The following ZMAT5 variants were observed in gnomAD, a reference collection of about 807,000 sequenced individuals.
ZMAT5 encodes the protein zinc finger matrin-type 5, also known as zinc finger matrin-type protein 5.
ZMAT5 carries 23 observed loss-of-function variants against 28.0 expected under a neutral mutation model. That is an observed-to-expected ratio of 0.82 (90% CI 0.59 to 1.16). ZMAT5 has a LOEUF of 1.16. ZMAT5 is among the 50% of genes most tolerant of loss of function. The probability of loss-of-function intolerance (pLI) is 0.00; values close to 1 mark genes in which losing one functional copy is unlikely to be tolerated. For missense variants in ZMAT5, 173 were observed against 212.7 expected, an observed-to-expected ratio of 0.81 and a Z score of 1.16; for synonymous variants, 76 against 84.1, an observed-to-expected ratio of 0.90 and a Z score of 0.52.
At chr22:29,735,907 G>T (rs559631396) in intron 5 of ZMAT5, among the ~76,000 whole-genome samples, 18 of 152,264 alleles carry the variant, frequency 1.2e-4, no homozygotes, top group African/African-American at 4.3e-4. Context: ...AAGGACTCTG[G>T]GGCACCCCAT....
intron 2 of ZMAT5, among the ~76,000 whole-genome samples, chr22:29,745,707 G>A (rs2068003138): frequency 6.6e-6 from 1 of 152,250 alleles, no homozygotes; most frequent in African/African-American, 2.4e-5. Flanking sequence ...AGTGACACCT[G>A]GGGACTGGTG....
intron 1 of ZMAT5, among the ~76,000 whole-genome samples, chr22:29,763,964 G>A (rs1441562235): frequency 6.6e-6 from 1 of 151,036 alleles, no homozygotes. Context: ...AATAATAATA[G>A]TAATAATAAT....
intron 1 of ZMAT5, among the ~76,000 whole-genome samples, chr22:29,761,269 CAAAAAAAAAAAA>C (rs131283): frequency 1.7e-5 from 1 of 59,528 alleles, no homozygotes; most frequent in African/African-American, 7.4e-5. Context: ...AACTCCGTCT[CAAAAAAAAAAAA>C]AAAAAAAAAA....
At chr22:29,749,741 AC>A (rs1357294825) in intron 1 of ZMAT5, among the ~76,000 whole-genome samples, 1 of 152,100 alleles carries the variant, frequency 6.6e-6, no homozygotes, top group East Asian at 1.9e-4. Context: ...GGGGTAACTG[AC>A]ATGGGGGTGG....
intron 1 of ZMAT5, among the ~76,000 whole-genome samples, chr22:29,753,724 AGCT>A: frequency 6.6e-6 from 1 of 152,172 alleles, no homozygotes; most frequent in African/African-American, 2.4e-5. Context: ...AAAAAGAACC[AGCT>A]GTGCAGAGCC....
At chr22:29,738,294 G>T (rs1431238386) in intron 5 of ZMAT5, 36 bp downstream of exon 5, 2 of 1,586,038 alleles carry the variant, frequency 1.3e-6, no homozygotes, top group Middle Eastern at 1.7e-4. Flanking sequence ...TTTGCCCCCA[G>T]GGGGCACAGC....
chr22:29,748,516 C>T lies in ZMAT5; in HGVS notation c.29G>A (p.Cys10Tyr). ...GAGGTTGTCCTGGAAGGAGCGGTCG[C>T]AGTAGTCACAGAAGTATCGCTTCCC... Reference protein sequence around the residue: MGKRYFCDYCDRSFQDNLHN... With the variant: MGKRYFCDYYDRSFQDNLHN... Residue 10 changes from cysteine (C) to tyrosine (Y), a missense_variant, in exon 2 of 6, where the codon TGC becomes TAC. Cys to Tyr is a radical substitution (Grantham distance 194). Transcript: ENST00000344318. 6.2e-7 allele frequency: 1 copy of T among 1,614,246 alleles called. No homozygotes were observed.
Position 29,738,320 on chromosome 22 carries a change from G to A in ZMAT5, c.383+10C>T. 6.2e-7 allele frequency: 1 copy of A among 1,607,588 alleles called. No homozygotes were observed. Among genetic ancestry groups the A allele is most frequent in the Non-Finnish European group, 8.5e-7 (1 of 1,179,348 alleles). ...GGGGCACAGCGGGAGGGAACCCTGGGGACCTGTACCTGCTACTTGGGGCTG... is the reference window on the plus strand; with the variant it reads ...GGGGCACAGCGGGAGGGAACCCTGGAGACCTGTACCTGCTACTTGGGGCTG... On this transcript the variant is annotated intron_variant, in intron 5 of 5. Transcript: ENST00000344318.
chr22:29,766,687 G>A (rs17516411), intron 1 of ZMAT5, among the ~76,000 whole-genome samples, 185 bp downstream of exon 1: 2 of 152,204 alleles, frequency 1.3e-5, no homozygotes, highest in East Asian at 1.9e-4. Flanking sequence ...CCTTAATCCA[G>A]GGTGAAGGGT....
At chr22:29,751,562 T>C (rs1303776717) in intron 1 of ZMAT5, among the ~76,000 whole-genome samples, 2 of 152,224 alleles carry the variant, frequency 1.3e-5, no homozygotes, top group Admixed American at 6.5e-5. Context: ...GGGCCTGTTA[T>C]GCCTTTTTAG....
chr22:29,751,534 A>G (rs975515268), intron 1 of ZMAT5, among the ~76,000 whole-genome samples: 1 of 152,208 alleles, frequency 6.6e-6, no homozygotes, highest in South Asian at 2.1e-4. Context: ...TTTAATCCCC[A>G]GGACAACCTG....
chr22:29,757,130 C>A (rs2068109520), intron 1 of ZMAT5, among the ~76,000 whole-genome samples: 1 of 149,472 alleles, frequency 6.7e-6, no homozygotes, highest in South Asian at 2.1e-4. Context: ...GTGGAAGGAT[C>A]ACTTGAGCCC....
At chr22:29,733,350 T>TG (rs2067871561) in intron 5 of ZMAT5, among the ~76,000 whole-genome samples, 1 of 151,222 alleles carries the variant, frequency 6.6e-6, no homozygotes, top group African/African-American at 2.4e-5. Context: ...GAGGGGGAGG[T>TG]GGAGAGCCGG....
At chr22:29,734,815 G>C (rs1282151346) in intron 5 of ZMAT5, among the ~76,000 whole-genome samples, 2 of 135,142 alleles carry the variant, frequency 1.5e-5, no homozygotes, top group African/African-American at 5.6e-5. Flanking sequence ...GGAGGCATCA[G>C]GGAGGGTCCC....
chr22:29,745,249 G>A (rs1445308211), intron 2 of ZMAT5, among the ~76,000 whole-genome samples: 1 of 152,202 alleles, frequency 6.6e-6, no homozygotes, highest in East Asian at 1.9e-4. Context: ...GTTCTGAGGT[G>A]GTGGGGGGGC....
intron 1 of ZMAT5, among the ~76,000 whole-genome samples, chr22:29,765,664 G>A (rs111833760): frequency 0.048 from 7,226 of 151,892 alleles, 223 homozygotes; most frequent in South Asian, 0.095. Flanking sequence ...GAAGTCAGGA[G>A]TTTGAGACTA....
intron 1 of ZMAT5, 78 bp from the exon 2 acceptor site, chr22:29,748,649 G>C: frequency 2.6e-6 from 4 of 1,553,126 alleles, no homozygotes; most frequent in Non-Finnish European, 3.5e-6. Flanking sequence ...GCTTCCTGAG[G>C]GCCAGGCCTG....
intron 1 of ZMAT5, among the ~76,000 whole-genome samples, chr22:29,762,811 T>C (rs2068170313): frequency 6.6e-6 from 1 of 152,224 alleles, no homozygotes; most frequent in African/African-American, 2.4e-5. Context: ...ATAGAAAAAC[T>C]GTCTTCCACA....
intron 5 of ZMAT5, among the ~76,000 whole-genome samples, chr22:29,732,073 G>A (rs1411469818): frequency 6.6e-6 from 1 of 152,134 alleles, no homozygotes; most frequent in Admixed American, 6.5e-5. Context: ...GGCATCCTCC[G>A]TGCCCAGCCC....
Sources: gnomAD v4.1 joint callset for allele counts (sites outside exome capture counted in the v4.1 genomes callset) on GRCh38, gnomAD v4.1.1 for gene constraint, MANE v1.5 for transcripts, NCBI Gene and HGNC (gene_info 2026-07-23, HGNC 2026-07-21) for gene names.